SNX29: variants seen among roughly 807,000 people sequenced by gnomAD.
SNX29 encodes sorting nexin 29, also known as sorting nexin-29.
A neutral mutation model predicts 102.1 loss-of-function variants in SNX29; 78 were observed. The ratio of observed to expected loss-of-function variants is 0.76; its 90% CI spans 0.64 to 0.92. SNX29 has a LOEUF of 0.92. Among genes scored for constraint, SNX29 ranks in the 40% least tolerant of loss-of-function variants. The pLI is 0.00. For synonymous variants in SNX29, 580 were observed against 414.5 expected, an observed-to-expected ratio of 1.40 and a Z score of -4.85; for missense variants, 1,280 against 1,061.7, an observed-to-expected ratio of 1.21 and a Z score of -2.86.
At chr16:12,367,953 C>T (rs1337323058) in intron 16 of SNX29, among the ~76,000 whole-genome samples, 8 of 152,370 alleles carry the variant, frequency 5.3e-5, no homozygotes, top group East Asian at 3.9e-4. Flanking sequence ...CTTTAAACCT[C>T]TAGATCGAGA....
intron 16 of SNX29, among the ~76,000 whole-genome samples, chr16:12,385,099 G>C (rs933106906): frequency 6.6e-6 from 1 of 152,216 alleles, no homozygotes; most frequent in Admixed American, 6.5e-5. Context: ...GAACCCGGGA[G>C]GCAGAGGTTG....
In SNX29 at chr16:12,520,850, C is replaced by T. The variant is rs76720580; in HGVS notation, c.2179-3852C>T. ...GGATAAATGACCGCATATTTGAGTA[C>T]AGTGCACACTGCTCAGGTGAAGGGG... On this transcript the variant is annotated intron_variant, in intron 19 of 20. Coordinates refer to ENST00000566228, the MANE Select transcript of SNX29 (RefSeq NM_032167.5). Among the ~76,000 whole-genome samples the T allele has an allele frequency of 2.8e-3, 424 of 152,192 alleles. 1 individual carries two copies. The highest frequency in any genetic ancestry group is 9.6e-3 in the African/African-American group (397 of 41,504).
rs1231984166 is a variant in SNX29, at chr16:12,051,902, A to G, written c.804A>G (p.Ser268=). ...AAAAGAAAGTGACCAACATAATCTC[A>G]TTTGATGATGAGGAAGATGAGCAGA... is the stretch of plus-strand genomic sequence containing the variant. ...KKKKKVTNII[S]FDDEEDEQNS... The change falls in exon 8 of 21, where the codon TCA becomes TCG. Residue 268 remains serine (S), a synonymous_variant. Transcript: ENST00000566228. 1 of 1,606,024 alleles carries G rather than the reference A, an allele frequency of 6.2e-7. No homozygotes were observed. Among genetic ancestry groups the G allele is most frequent in the East Asian group, 2.2e-5 (1 of 44,834 alleles).
chr16:12,333,538 A>T (rs1472716225), intron 15 of SNX29, among the ~76,000 whole-genome samples: 1 of 152,152 alleles, frequency 6.6e-6, no homozygotes, highest in Non-Finnish European at 1.5e-5. Context: ...GGTGTGCTGA[A>T]TTCAGTGTAC....
rs958952794 is a variant in SNX29 at position 12,516,471 on chromosome 16, T to C, written c.2179-8231T>C. On this transcript the variant is annotated intron_variant, in intron 19 of 20. Transcript: ENST00000566228. ...CTTCAGTCTTGGCAACAGAGAGATA[T>C]CCCGTCTCAGAAAAAAAAAAAAAAA... Among the ~76,000 whole-genome samples, 14 of 102,590 alleles carry C rather than the reference T, an allele frequency of 1.4e-4. No homozygotes were observed. In the South Asian group the frequency reaches 3.8e-3, roughly 28 times the overall value. 67.3% of individuals were successfully genotyped at this position (102,590 alleles called of 152,430 possible).
intron 16 of SNX29, among the ~76,000 whole-genome samples, chr16:12,368,665 C>T (rs900955696): frequency 6.6e-6 from 1 of 152,190 alleles, no homozygotes; most frequent in African/African-American, 2.4e-5. Context: ...TGCCACTGAT[C>T]CTGAAGGAAT....
intron 9 of SNX29, among the ~76,000 whole-genome samples, chr16:12,063,945 G>A (rs1297293553): frequency 6.6e-6 from 1 of 152,070 alleles, no homozygotes; most frequent in Non-Finnish European, 1.5e-5. Flanking sequence ...GTAGATGCAG[G>A]CAGGTCATCT....
intron 18 of SNX29, among the ~76,000 whole-genome samples, chr16:12,407,986 G>C (rs1360454945): frequency 1.3e-5 from 2 of 152,002 alleles, no homozygotes; most frequent in African/African-American, 4.8e-5. Context: ...GTGAGACCCT[G>C]TCTCTCCAAA....
chr16:12,439,828 C>T (rs1397207982), intron 18 of SNX29, among the ~76,000 whole-genome samples: 1 of 152,200 alleles, frequency 6.6e-6, no homozygotes, highest in Non-Finnish European at 1.5e-5. Flanking sequence ...ACACCTTCAC[C>T]CCTGCAGTGG....
chr16:12,191,308 A>G (rs897399285), intron 13 of SNX29, among the ~76,000 whole-genome samples: 1 of 152,222 alleles, frequency 6.6e-6, no homozygotes. Context: ...ACGGTGATGG[A>G]TGACCCCTGG....
In SNX29 at chr16:12,573,209, C is replaced by T. The variant is rs188141052; in HGVS notation, c.*4580C>T. On this transcript the variant is annotated 3_prime_UTR_variant, in exon 21 of 21. Transcript: ENST00000566228. The stretch of plus-strand genomic sequence containing the variant: ...CAGGGTCTCCCGGCTCTAGGCAGAC[C>T]GGATCCCGCAGTTCATCCCATGGTT... 2.5e-4 allele frequency: 57 copies of T among 226,616 alleles called. No homozygotes were observed. Among genetic ancestry groups the T allele is most frequent in the African/African-American group, 1.1e-3 (49 of 45,076 alleles). The allele number at this position is 226,616 out of a possible 1,614,324, so 14.0% of individuals were successfully genotyped here. A position where few individuals can be genotyped will look rare whatever the true frequency, so the allele number is the denominator to read the frequency against.
chr16:12,474,791 C>G (rs751534477), intron 18 of SNX29, among the ~76,000 whole-genome samples: 26 of 152,104 alleles, frequency 1.7e-4, no homozygotes, highest in Non-Finnish European at 3.8e-4. Flanking sequence ...CCGTGGTTTC[C>G]CTTGTGATGT....
intron 14 of SNX29, among the ~76,000 whole-genome samples, chr16:12,257,490 C>T (rs1204012711): frequency 7.5e-6 from 1 of 134,066 alleles, no homozygotes; most frequent in Non-Finnish European, 1.6e-5. Flanking sequence ...GCCATTCTGC[C>T]TACCACTAGC....
chr16:12,256,551 C>T (rs2078579158), intron 14 of SNX29, among the ~76,000 whole-genome samples: 1 of 152,154 alleles, frequency 6.6e-6, no homozygotes. Context: ...TGGTCTTGAA[C>T]TCCTGACCTC....
At chr16:12,377,464 G>A (rs1431308206) in intron 16 of SNX29, among the ~76,000 whole-genome samples, 1 of 152,136 alleles carries the variant, frequency 6.6e-6, no homozygotes, top group Non-Finnish European at 1.5e-5. Context: ...TATTTCAATG[G>A]TAAAGCAAGT....
chr16:12,532,305 C>G (rs191405024), intron 20 of SNX29, among the ~76,000 whole-genome samples: 16 of 152,336 alleles, frequency 1.1e-4, no homozygotes, highest in Admixed American at 5.9e-4. Flanking sequence ...ATTCTGGACA[C>G]CAGACTCTGT....
chr16:12,547,050 CACAGACATTGAATAGTGAG>C (rs1471135176), intron 20 of SNX29, among the ~76,000 whole-genome samples: 2 of 152,128 alleles, frequency 1.3e-5, no homozygotes, highest in Admixed American at 6.6e-5. Flanking sequence ...TCATGGGGGA[CACAGACATTGAATAGTGAG>C]GCAGACATGC....
At chr16:12,245,551 A>G (rs548610000) in intron 14 of SNX29, among the ~76,000 whole-genome samples, 19 of 152,126 alleles carry the variant, frequency 1.2e-4, no homozygotes, top group South Asian at 1.0e-3. Context: ...AAGTCTGTTA[A>G]ACATCTTTAA....
chr16:12,394,184 G>A (rs1038552468), intron 16 of SNX29, among the ~76,000 whole-genome samples: 5 of 152,212 alleles, frequency 3.3e-5, no homozygotes, highest in African/African-American at 1.2e-4. Context: ...ATCTGTATAT[G>A]TCTACTCTGG....
Sources: allele counts gnomAD v4.1 joint callset (sites outside exome capture counted in the v4.1 genomes callset), GRCh38; gene constraint gnomAD v4.1.1; transcripts MANE v1.5; gene names NCBI Gene and HGNC (gene_info 2026-07-23, HGNC 2026-07-21).